Variants in TMEM63C observed in about 807,000 individuals in gnomAD.
The protein encoded by TMEM63C is osmosensitive cation channel TMEM63C.
TMEM63C carries 32 observed loss-of-function variants against 99.2 expected under a neutral mutation model. That is an observed-to-expected ratio of 0.32 (90% CI 0.24 to 0.43). The LOEUF (loss-of-function observed/expected upper bound fraction) is 0.43. Among genes scored for constraint, TMEM63C ranks in the 20% least tolerant of loss-of-function variants. TMEM63C has a pLI of 1.00. For synonymous variants in TMEM63C, 376 were observed against 397.9 expected (o/e 0.94, Z 0.66); for missense variants, 826 against 1,053.0 (o/e 0.78, Z 2.98).
rs1246260034 is a variant in TMEM63C at position 77,256,866 on chromosome 14, A to T, written c.*140A>T. On this transcript the variant is annotated 3_prime_UTR_variant, in exon 24 of 24. Coordinates refer to ENST00000298351, the MANE Select transcript of TMEM63C (RefSeq NM_020431.4). ...CCACAGTGGAGACATCCACCACCCC[A>T]GCCATGGGCCATACGGGGGTCCTGA... 1.3e-5 allele frequency: 10 copies of T among 783,512 alleles called. No individual in the cohort carries two copies. Among genetic ancestry groups the T allele is most frequent in the Non-Finnish European group, 1.6e-5 (8 of 498,914 alleles). 48.5% of individuals were successfully genotyped at this position (783,512 alleles called of 1,614,324 possible). A position where few individuals can be genotyped will look rare whatever the true frequency, so the allele number is the denominator to read the frequency against.
Position 77,253,363 on chromosome 14 carries a change from C to T in TMEM63C, c.2207C>T (p.Thr736Met), listed in dbSNP as rs752862222. Reference sequence around the variant, plus strand: ...ATGGAGCCAAGCAGCACCTCCTCCACGCCCACCTCCCTCGTGAGTCCTGAG... The same window carrying T: ...ATGGAGCCAAGCAGCACCTCCTCCATGCCCACCTCCCTCGTGAGTCCTGAG... ...FDMEPSSTSS[T>M]PTSLLYVATV... The change falls in exon 23 of 24, where the codon ACG (threonine) becomes ATG (methionine). Residue 736 changes from threonine (T) to methionine (M), a missense_variant. By Grantham distance (81) the Thr-to-Met change is moderately conservative. Transcript: ENST00000298351. 1.9e-6 allele frequency: 3 copies of T among 1,611,534 alleles called. No individual in the cohort carries two copies. The highest frequency in any genetic ancestry group is 1.7e-5 in the Admixed American group (1 of 59,754).
chr14:77,192,439 A>G (rs780465142), intron 1 of TMEM63C, among the ~76,000 whole-genome samples: 5 of 152,202 alleles, frequency 3.3e-5, no homozygotes, highest in Non-Finnish European at 7.4e-5. Context: ...TCAAATCGGA[A>G]TTTTGAATTT....
At chr14:77,204,586 C>T (rs566740511) in intron 1 of TMEM63C, among the ~76,000 whole-genome samples, 4 of 152,376 alleles carry the variant, frequency 2.6e-5, no homozygotes, top group Admixed American at 6.5e-5. Flanking sequence ...TCAGCAAACA[C>T]AGCCAAGGGC....
intron 2 of TMEM63C, among the ~76,000 whole-genome samples, chr14:77,214,291 G>C (rs1390830937): frequency 6.6e-6 from 1 of 152,150 alleles, no homozygotes; most frequent in Non-Finnish European, 1.5e-5. Flanking sequence ...GTAAAGTGAG[G>C]CATGGGGACT....
At chr14:77,228,501 T>C (rs1370300685) in intron 6 of TMEM63C, among the ~76,000 whole-genome samples, 1 of 152,128 alleles carries the variant, frequency 6.6e-6, no homozygotes, top group East Asian at 1.9e-4. Flanking sequence ...ATTGAAAACC[T>C]TGAAGGTGTG....
intron 10 of TMEM63C, 53 bp downstream of exon 10, chr14:77,238,820 G>T (rs1380665906): frequency 6.9e-7 from 1 of 1,450,488 alleles, no homozygotes; most frequent in Non-Finnish European, 9.7e-7. Flanking sequence ...CCATAACCCC[G>T]CCTGGGTCCT....
rs925960768 is a variant in TMEM63C, at chr14:77,257,857, C to T, written c.*1131C>T. ...AAGCGGCCTCCAGTGTGGGCCTGGT[C>T]CAGACATTGCAGATGCTTCAACCGT... On this transcript the variant is annotated 3_prime_UTR_variant, in exon 24 of 24. Coordinates refer to ENST00000298351, the MANE Select transcript of TMEM63C (RefSeq NM_020431.4). The T allele has an allele frequency of 2.6e-5, 4 of 152,320 alleles. No homozygotes were observed. The highest frequency in any genetic ancestry group is 9.7e-5 in the African/African-American group (4 of 41,450). The allele number at this position is 152,320 out of a possible 1,614,324, so 9.4% of individuals were successfully genotyped here.
intron 6 of TMEM63C, among the ~76,000 whole-genome samples, chr14:77,227,256 G>A (rs974594985): frequency 4.6e-5 from 7 of 152,156 alleles, no homozygotes; most frequent in Admixed American, 1.3e-4. Context: ...TCCAATGGTC[G>A]AGGTGGGAGG....
intron 1 of TMEM63C, among the ~76,000 whole-genome samples, chr14:77,194,132 A>G (rs1464453673): frequency 6.6e-6 from 1 of 152,238 alleles, no homozygotes; most frequent in Non-Finnish European, 1.5e-5. Flanking sequence ...AAATAACCTA[A>G]ATATCAATCA....
At chr14:77,224,832 AT>A (rs556951532) in intron 5 of TMEM63C, among the ~76,000 whole-genome samples, 3,498 of 149,276 alleles carry the variant, frequency 0.023, 140 homozygotes, top group African/African-American at 0.079. Context: ...CCCTTAAGGG[AT>A]TTTTTTTTTT....
At chr14:77,182,421 G>A (rs1342175211) in intron 1 of TMEM63C, among the ~76,000 whole-genome samples, 1 of 152,216 alleles carries the variant, frequency 6.6e-6, no homozygotes, top group Non-Finnish European at 1.5e-5. Context: ...CTTTCCCCAT[G>A]TGCTTCCAAA....
chr14:77,219,966 C>A, intron 4 of TMEM63C, 40 bp from the exon 5 acceptor site: 1 of 1,543,768 alleles, frequency 6.5e-7, no homozygotes, highest in Non-Finnish European at 8.8e-7. Flanking sequence ...GAGAACTTTT[C>A]TCTCCTTTCT....
chr14:77,219,221 C>T (rs1255152464), intron 3 of TMEM63C, among the ~76,000 whole-genome samples: 2 of 152,214 alleles, frequency 1.3e-5, no homozygotes, highest in Non-Finnish European at 2.9e-5. Context: ...TTTCTCATTG[C>T]TGAGGTCTTC....
At chr14:77,228,650 C>T (rs12588589) in intron 6 of TMEM63C, among the ~76,000 whole-genome samples, 45,524 of 151,360 alleles carry the variant, frequency 0.3, 7,840 homozygotes, top group East Asian at 0.57. Context: ...AATTTTCCTG[C>T]CTCAGCCTCC....
chr14:77,240,250 C>CTAG (rs1889144263), intron 12 of TMEM63C, among the ~76,000 whole-genome samples: 1 of 152,236 alleles, frequency 6.6e-6, no homozygotes, highest in South Asian at 2.1e-4. Context: ...CCGGGTACCC[C>CTAG]TAGCTATGCC....
At chr14:77,255,285 C>G (rs1359776095) in intron 23 of TMEM63C, among the ~76,000 whole-genome samples, 4 of 152,236 alleles carry the variant, frequency 2.6e-5, no homozygotes, top group Non-Finnish European at 4.4e-5. Flanking sequence ...GCCACCACGC[C>G]AGGCCTATAA....
chr14:77,203,980 C>G (rs903789758), intron 1 of TMEM63C, among the ~76,000 whole-genome samples: 1 of 152,258 alleles, frequency 6.6e-6, no homozygotes, highest in Non-Finnish European at 1.5e-5. Context: ...TTCCTGCCCC[C>G]TCCAGACTCC....
At chr14:77,243,092 A>G in intron 15 of TMEM63C, 36 bp downstream of exon 15, 1 of 1,609,290 alleles carries the variant, frequency 6.2e-7, no homozygotes, top group Non-Finnish European at 8.5e-7. Context: ...TGGGGACCCC[A>G]GGGAGATCAA....
At position 77,240,597 on chromosome 14, in the gene TMEM63C, G is replaced by T. The variant is rs1377926028; in HGVS notation, c.1053G>T (p.Arg351Ser). 1 of 1,609,718 alleles carries T rather than the reference G, an allele frequency of 6.2e-7. No homozygotes were observed. Among genetic ancestry groups the T allele is most frequent in the Non-Finnish European group, 8.5e-7 (1 of 1,179,830 alleles). The change falls in exon 13 of 24, where the codon AGG (arginine) becomes AGT (serine). Residue 351 changes from arginine to serine, a missense_variant. Physicochemically the swap from Arg to Ser is moderately radical, Grantham distance 110. Coordinates refer to ENST00000298351, the MANE Select transcript of TMEM63C (RefSeq NM_020431.4). ...TCTTTGTCACCTTCCAGGACTCCAGGATGGCCAAGCGGTGAGCACCAGGCA... is the reference window on the plus strand; with the variant it reads ...TCTTTGTCACCTTCCAGGACTCCAGTATGGCCAAGCGGTGAGCACCAGGCA... ...DLIFVTFQDSRMAKRVRKDYK... is the reference protein window; with the variant it reads ...DLIFVTFQDSSMAKRVRKDYK...
Sources: gnomAD v4.1 joint callset for allele counts (sites outside exome capture counted in the v4.1 genomes callset) on GRCh38, gnomAD v4.1.1 for gene constraint, MANE v1.5 for transcripts, NCBI Gene and HGNC (gene_info 2026-07-23, HGNC 2026-07-21) for gene names.